MDGA2: variants seen among roughly 807,000 people sequenced by gnomAD.
MDGA2 encodes the protein MAM domain containing glycosylphosphatidylinositol anchor 2.
MDGA2 carries 40 observed loss-of-function variants against 117.8 expected under a neutral mutation model. The ratio of observed to expected loss-of-function variants is 0.34; its 90% CI spans 0.26 to 0.44. The LOEUF (loss-of-function observed/expected upper bound fraction) is 0.44, where lower values mean the gene tolerates loss of function less well. MDGA2 is among the 20% of genes least tolerant of loss of function. The pLI, the probability that MDGA2 is intolerant of heterozygous loss-of-function variation, is 1.00. For missense variants in MDGA2, 1,123 were observed against 1,250.6 expected (o/e 0.90, Z 1.54); for synonymous variants, 452 against 439.0 (o/e 1.03, Z -0.37).
At chr14:46,938,845 G>T (rs887230004) in intron 9 of MDGA2, among the ~76,000 whole-genome samples, 1 of 152,070 alleles carries the variant, frequency 6.6e-6, no homozygotes, top group Non-Finnish European at 1.5e-5. Flanking sequence ...ACAATAGTCA[G>T]AATATGAAAT....
intron 2 of MDGA2, among the ~76,000 whole-genome samples, chr14:47,276,988 C>T (rs1180956406): frequency 6.6e-6 from 1 of 152,114 alleles, no homozygotes; most frequent in Non-Finnish European, 1.5e-5. Flanking sequence ...ACACCACTAC[C>T]AGCCTGGGAA....
chr14:47,553,190 G>A (rs1054101737), intron 1 of MDGA2, among the ~76,000 whole-genome samples: 22 of 152,088 alleles, frequency 1.4e-4, no homozygotes, highest in South Asian at 6.2e-4. Context: ...ATATTTATTG[G>A]CTTCTATTAT....
At chr14:47,384,035 A>C (rs556243490) in intron 1 of MDGA2, among the ~76,000 whole-genome samples, 2 of 151,048 alleles carry the variant, frequency 1.3e-5, no homozygotes, top group East Asian at 3.9e-4. Flanking sequence ...TTAGATAAAG[A>C]GATAAATAGA....
At position 46,911,010 on chromosome 14, in the gene MDGA2, C is replaced by T. The variant is rs183269814; in HGVS notation, c.2238+9002G>A. Reference sequence around the variant, plus strand: ...GCCTATTGAAGGGGTGGAGGTTGGGCGGAGGAAGAAAATCAGGAAAAATAA... The same window carrying T: ...GCCTATTGAAGGGGTGGAGGTTGGGTGGAGGAAGAAAATCAGGAAAAATAA... On this transcript the variant is annotated intron_variant, in intron 10 of 16. Coordinates refer to ENST00000399232, the MANE Select transcript of MDGA2 (RefSeq NM_001113498.3). Among the ~76,000 whole-genome samples, 13 of 151,944 alleles carry T rather than the reference C, an allele frequency of 8.6e-5. No homozygotes were observed. In the East Asian group the frequency reaches 9.7e-4, roughly 11 times the overall value.
At chr14:47,030,808 C>A (rs1464204989) in intron 8 of MDGA2, among the ~76,000 whole-genome samples, 1 of 152,100 alleles carries the variant, frequency 6.6e-6, no homozygotes, top group African/African-American at 2.4e-5. Context: ...TTTTAAAATA[C>A]TTTTGTTTCA....
chr14:47,524,729 C>T (rs1429180132), intron 1 of MDGA2, among the ~76,000 whole-genome samples: 1 of 152,184 alleles, frequency 6.6e-6, no homozygotes, highest in Non-Finnish European at 1.5e-5. Context: ...TAGGCTTTCT[C>T]ATGTGCACAA....
intron 1 of MDGA2, among the ~76,000 whole-genome samples, chr14:47,530,468 T>G (rs1895073107): frequency 6.6e-6 from 1 of 152,222 alleles, no homozygotes; most frequent in Non-Finnish European, 1.5e-5. Context: ...TTGTAAATTC[T>G]TATCTCTGTA....
At chr14:46,951,340 T>C (rs1885364377) in intron 9 of MDGA2, among the ~76,000 whole-genome samples, 1 of 152,008 alleles carries the variant, frequency 6.6e-6, no homozygotes, top group African/African-American at 2.4e-5. Flanking sequence ...GACCCTAAGA[T>C]GACTCCCAAT....
chr14:47,567,107 TA>T (rs755686577), intron 1 of MDGA2, among the ~76,000 whole-genome samples: 4 of 151,876 alleles, frequency 2.6e-5, no homozygotes, highest in Non-Finnish European at 5.9e-5. Flanking sequence ...GGTCTCACTA[TA>T]TTGCCCAGGT....
chr14:47,577,771 T>C (rs990843289), intron 1 of MDGA2, among the ~76,000 whole-genome samples: 2 of 152,088 alleles, frequency 1.3e-5, no homozygotes, highest in Non-Finnish European at 2.9e-5. Context: ...CAATAAACAA[T>C]AGATGCTGGC....
chr14:47,294,523 G>A lies in MDGA2; in HGVS notation c.420+6888C>T, dbSNP rs187979394. Among the ~76,000 whole-genome samples, 5 of 151,972 alleles carry A rather than the reference G, an allele frequency of 3.3e-5. No homozygotes were observed. The East Asian group carries it at 9.7e-4, about 29-fold the overall frequency. ...GGAAACTCTCTAACATGATATAGCAGACAGATTCAGTCTAGATATGTTTAT... is the reference window on the plus strand; with the variant it reads ...GGAAACTCTCTAACATGATATAGCAAACAGATTCAGTCTAGATATGTTTAT... On this transcript the variant is annotated intron_variant, in intron 2 of 16. Coordinates refer to ENST00000399232, the MANE Select transcript of MDGA2 (RefSeq NM_001113498.3).
At chr14:47,212,633 T>G (rs1197699090) in intron 3 of MDGA2, among the ~76,000 whole-genome samples, 1 of 152,144 alleles carries the variant, frequency 6.6e-6, no homozygotes, top group Non-Finnish European at 1.5e-5. Context: ...TGATTTCTTC[T>G]TACAGAAAGG....
chr14:47,398,636 C>T lies in MDGA2; in HGVS notation c.281-97086G>A, dbSNP rs543403814. 4.6e-5 allele frequency among the ~76,000 whole-genome samples: 7 copies of T among 152,146 alleles called. No individual in the cohort carries two copies. In the South Asian group the frequency reaches 1.0e-3, roughly 23 times the overall value. Reference sequence around the variant, plus strand: ...AAAGGATTTTTCTATGGACACACAACGTTTAAGTAGTAGAGGTGTGACTTG... The same window carrying T: ...AAAGGATTTTTCTATGGACACACAATGTTTAAGTAGTAGAGGTGTGACTTG... On this transcript the variant is annotated intron_variant, in intron 1 of 16. Coordinates refer to ENST00000399232, the MANE Select transcript of MDGA2 (RefSeq NM_001113498.3).
chr14:47,362,483 AT>A (rs1265933098), intron 1 of MDGA2, among the ~76,000 whole-genome samples: 1 of 152,134 alleles, frequency 6.6e-6, no homozygotes, highest in African/African-American at 2.4e-5. Context: ...AGGTATTGAT[AT>A]TTTTAATGTG....
At chr14:47,280,060 T>C (rs1027959461) in intron 2 of MDGA2, among the ~76,000 whole-genome samples, 12 of 151,668 alleles carry the variant, frequency 7.9e-5, no homozygotes, top group Non-Finnish European at 1.3e-4. Context: ...TATAATCCCA[T>C]CTGAGCACTT....
At chr14:46,990,674 A>T (rs1594501696) in intron 8 of MDGA2, among the ~76,000 whole-genome samples, 1 of 152,204 alleles carries the variant, frequency 6.6e-6, no homozygotes, top group East Asian at 1.9e-4. Context: ...AAGATCAAAG[A>T]TTAAAAATAA....
chr14:46,940,362 C>A (rs1276181219), intron 9 of MDGA2, among the ~76,000 whole-genome samples: 1 of 152,142 alleles, frequency 6.6e-6, no homozygotes, highest in Admixed American at 6.6e-5. Context: ...GGCGCGGTGG[C>A]TCACGCCTGT....
At chr14:47,504,464 AG>A (rs1894468777) in intron 1 of MDGA2, among the ~76,000 whole-genome samples, 2 of 152,122 alleles carry the variant, frequency 1.3e-5, no homozygotes, top group African/African-American at 4.8e-5. Flanking sequence ...ATATTACAAG[AG>A]GGAGTACAAA....
intron 8 of MDGA2, among the ~76,000 whole-genome samples, chr14:47,028,272 A>C (rs1481198481): frequency 2.0e-5 from 3 of 152,264 alleles, no homozygotes; most frequent in East Asian, 3.9e-4. Context: ...GAATAATCTC[A>C]AAGGTAAGTC....
Sources: allele counts gnomAD v4.1 joint callset (sites outside exome capture counted in the v4.1 genomes callset), GRCh38; gene constraint gnomAD v4.1.1; transcripts MANE v1.5; gene names NCBI Gene and HGNC (gene_info 2026-07-23, HGNC 2026-07-21).